KCNH7: variants seen among roughly 807,000 people sequenced by gnomAD.
KCNH7 encodes the protein potassium voltage-gated channel subfamily H member 7, also known as voltage-gated inwardly rectifying potassium channel KCNH7.
In KCNH7, 49 loss-of-function variants were observed where a neutral mutation model predicts 120.8. That is an observed-to-expected ratio of 0.41 (90% CI 0.32 to 0.51). KCNH7 has a LOEUF of 0.51. Ranked by LOEUF, KCNH7 falls within the 20% of genes least tolerant of loss-of-function variation. The pLI, the probability that KCNH7 is intolerant of heterozygous loss-of-function variation, is 0.38. For missense variants in KCNH7, 1,097 were observed against 1,446.6 expected (o/e 0.76, Z 3.92); for synonymous variants, 547 against 516.1 (o/e 1.06, Z -0.81).
At chr2:162,595,961 G>C (rs1345567326) in intron 2 of KCNH7, among the ~76,000 whole-genome samples, 1 of 151,828 alleles carries the variant, frequency 6.6e-6, no homozygotes, top group Non-Finnish European at 1.5e-5. Flanking sequence ...ATTTATAATA[G>C]CATAAAAAAT....
rs574196794 is a variant in KCNH7, at chr2:162,622,789, A to G, written c.308-85709T>C. Among the ~76,000 whole-genome samples, 303 of 152,310 alleles carry G rather than the reference A, an allele frequency of 2.0e-3. 2 individuals carry two copies. The highest frequency in any genetic ancestry group is 6.9e-3 in the African/African-American group (287 of 41,584). On this transcript the variant is annotated intron_variant, in intron 2 of 15. Transcript: ENST00000332142. ...CTGATTACAAATGTCCGAAGAATAAAAAACTATTAGGGGATGTGACTAGGA... is the reference window on the plus strand; with the variant it reads ...CTGATTACAAATGTCCGAAGAATAAGAAACTATTAGGGGATGTGACTAGGA...
At chr2:162,821,450 T>C (rs992043034) in intron 2 of KCNH7, among the ~76,000 whole-genome samples, 5 of 152,234 alleles carry the variant, frequency 3.3e-5, no homozygotes, top group African/African-American at 9.6e-5. Context: ...GTCTACACAG[T>C]AAACATTTTA....
chr2:162,582,710 T>C (rs1693916289), intron 2 of KCNH7, among the ~76,000 whole-genome samples: 1 of 152,080 alleles, frequency 6.6e-6, no homozygotes, highest in South Asian at 2.1e-4. Context: ...ACACAGCATT[T>C]CAAGTGACAA....
intron 2 of KCNH7, among the ~76,000 whole-genome samples, chr2:162,735,637 G>A (rs1482886864): frequency 6.6e-6 from 1 of 152,092 alleles, no homozygotes; most frequent in Admixed American, 6.6e-5. Context: ...AGACATTTCT[G>A]TGATTTCATC....
chr2:162,482,135 A>G (rs886977371), intron 6 of KCNH7, among the ~76,000 whole-genome samples: 2 of 152,194 alleles, frequency 1.3e-5, no homozygotes, highest in Non-Finnish European at 2.9e-5. Flanking sequence ...CTTTGAGTTT[A>G]AGGATGGGAT....
intron 2 of KCNH7, among the ~76,000 whole-genome samples, chr2:162,761,560 T>TTTG (rs1688966758): frequency 6.6e-6 from 1 of 152,128 alleles, no homozygotes. Flanking sequence ...GACATTCTAC[T>TTTG]AAGCACTTTG....
chr2:162,648,304 G>A (rs1030798085), intron 2 of KCNH7, among the ~76,000 whole-genome samples: 8 of 151,732 alleles, frequency 5.3e-5, no homozygotes, highest in Non-Finnish European at 1.2e-4. Flanking sequence ...AAGAGGGAAG[G>A]GCCACACACT....
At chr2:162,643,211 G>A (rs1265637324) in intron 2 of KCNH7, among the ~76,000 whole-genome samples, 5 of 151,288 alleles carry the variant, frequency 3.3e-5, no homozygotes, top group African/African-American at 1.2e-4. Flanking sequence ...TTTGTATCAA[G>A]CAGGGCAGCA....
chr2:162,414,948 A>G (rs187746123), intron 9 of KCNH7, among the ~76,000 whole-genome samples: 27 of 152,130 alleles, frequency 1.8e-4, no homozygotes, highest in Admixed American at 1.8e-3. Context: ...TAAGCTAAGT[A>G]ATCCACCTGC....
intron 2 of KCNH7, among the ~76,000 whole-genome samples, chr2:162,629,176 C>T (rs999774490): frequency 2.6e-5 from 4 of 152,090 alleles, no homozygotes; most frequent in Non-Finnish European, 5.9e-5. Context: ...GGGAAATACC[C>T]TCATGTATGG....
chr2:162,687,504 G>A (rs1685938010), intron 2 of KCNH7, among the ~76,000 whole-genome samples: 1 of 152,048 alleles, frequency 6.6e-6, no homozygotes, highest in Admixed American at 6.6e-5. Context: ...AATCTGTACA[G>A]TCAAAATTAT....
At chr2:162,609,270 G>GA (rs1682881625) in intron 2 of KCNH7, among the ~76,000 whole-genome samples, 2 of 152,088 alleles carry the variant, frequency 1.3e-5, no homozygotes, top group African/African-American at 2.4e-5. Context: ...TATCATAAAT[G>GA]AAAAAATGGA....
intron 10 of KCNH7, among the ~76,000 whole-genome samples, chr2:162,398,368 C>T (rs945921947): frequency 6.6e-6 from 1 of 151,730 alleles, no homozygotes; most frequent in Non-Finnish European, 1.5e-5. Flanking sequence ...TGTATCTTAA[C>T]TACGTAAGAA....
chr2:162,688,767 C>T (rs1462158424), intron 2 of KCNH7, among the ~76,000 whole-genome samples: 3 of 145,832 alleles, frequency 2.1e-5, no homozygotes, highest in Non-Finnish European at 4.5e-5. Context: ...TCTCTGCTGT[C>T]TGCACTGCTG....
intron 2 of KCNH7, among the ~76,000 whole-genome samples, chr2:162,662,064 C>T (rs762242230): frequency 7.9e-5 from 12 of 151,960 alleles, no homozygotes; most frequent in Non-Finnish European, 1.5e-4. Context: ...GAGTTCAAGA[C>T]CAGCCTGGTC....
chr2:162,506,806 A>G (rs1265780162), intron 5 of KCNH7, among the ~76,000 whole-genome samples: 4 of 151,860 alleles, frequency 2.6e-5, no homozygotes, highest in Admixed American at 2.0e-4. Context: ...AATTGGCTAC[A>G]CTTATATAAG....
chr2:162,615,776 A>G (rs1683122266), intron 2 of KCNH7, among the ~76,000 whole-genome samples: 1 of 152,178 alleles, frequency 6.6e-6, no homozygotes, highest in Non-Finnish European at 1.5e-5. Flanking sequence ...TGTGATCAGC[A>G]AAATGTCCTA....
At chr2:162,647,264 C>T (rs563321411) in intron 2 of KCNH7, among the ~76,000 whole-genome samples, 16 of 152,024 alleles carry the variant, frequency 1.1e-4, no homozygotes, top group Non-Finnish European at 1.5e-4. Flanking sequence ...AGGGCTCTGA[C>T]GTGTTTTTTT....
At chr2:162,781,492 A>G (rs1359281779) in intron 2 of KCNH7, among the ~76,000 whole-genome samples, 1 of 152,078 alleles carries the variant, frequency 6.6e-6, no homozygotes, top group African/African-American at 2.4e-5. Context: ...ATAATCTAAG[A>G]GAATGAAAAC....
Sources: allele counts gnomAD v4.1 joint callset (sites outside exome capture counted in the v4.1 genomes callset), GRCh38; gene constraint gnomAD v4.1.1; transcripts MANE v1.5; gene names NCBI Gene and HGNC (gene_info 2026-07-23, HGNC 2026-07-21).